Variants in DNAAF4 observed in about 807,000 individuals in gnomAD.
DNAAF4 encodes dynein assembly factor 4, axonemal.
Under a neutral mutation model 51.8 loss-of-function variants are expected in DNAAF4, and 43 were observed. The ratio of observed to expected loss-of-function variants is 0.83; its 90% confidence interval spans 0.65 to 1.07. The LOEUF (loss-of-function observed/expected upper bound fraction) is 1.07, where lower values mean the gene tolerates loss of function less well. DNAAF4 is among the 50% of genes least tolerant of loss of function. DNAAF4 has a pLI of 0.00. For missense variants in DNAAF4, 581 were observed against 493.0 expected, an observed-to-expected ratio of 1.18 and a Z score of -1.69; for synonymous variants, 194 against 165.6, an observed-to-expected ratio of 1.17 and a Z score of -1.32.
intron 4 of DNAAF4, among the ~76,000 whole-genome samples, chr15:55,480,698 A>G (rs1175155351): frequency 1.3e-5 from 2 of 151,402 alleles, no homozygotes; most frequent in Non-Finnish European, 3.0e-5. Context: ...AACAGGAAAT[A>G]GTGGGCTTCC....
chr15:55,438,339 G>A (rs1244203738), intron 7 of DNAAF4, among the ~76,000 whole-genome samples: 15 of 109,244 alleles, frequency 1.4e-4, no homozygotes, highest in Non-Finnish European at 2.1e-4. Flanking sequence ...GACCAAGAGC[G>A]AGACTTTGTC....
chr15:55,489,067 C>T (rs754383182), intron 4 of DNAAF4, among the ~76,000 whole-genome samples: 9 of 150,200 alleles, frequency 6.0e-5, no homozygotes, highest in Non-Finnish European at 1.2e-4. Flanking sequence ...CCAGCCTGGG[C>T]GACTAAGCAA....
At chr15:55,430,093 T>C (rs1050550924), downstream of DNAAF4, among the ~76,000 whole-genome samples, 1 of 152,198 alleles carries the variant, frequency 6.6e-6, no homozygotes, top group Non-Finnish European at 1.5e-5. Flanking sequence ...AGTTTTCAGG[T>C]GCACAGCCTA....
chr15:55,436,126 A>G (rs1404747390), intron 7 of DNAAF4, among the ~76,000 whole-genome samples: 1 of 152,146 alleles, frequency 6.6e-6, no homozygotes, highest in Non-Finnish European at 1.5e-5. Flanking sequence ...AGTGTTTTCC[A>G]TAGCAGCTGG....
chr15:55,442,850 T>C (rs530117819), intron 6 of DNAAF4: 323 of 1,612,822 alleles, frequency 2.0e-4, no homozygotes, highest in Middle Eastern at 1.2e-3. Flanking sequence ...CCAGCCATCA[T>C]TGCACACATA....
intron 4 of DNAAF4, among the ~76,000 whole-genome samples, chr15:55,473,222 T>TATATGG (rs2058285016): frequency 1.5e-5 from 1 of 67,368 alleles, no homozygotes; most frequent in East Asian, 2.9e-4. Flanking sequence ...TATATATATA[T>TATATGG]GTGTGTGTGT....
chr15:55,421,092 C>T (rs895120986), intron 7 of DNAAF4, among the ~76,000 whole-genome samples: 5 of 149,228 alleles, frequency 3.4e-5, no homozygotes, highest in African/African-American at 1.2e-4. Context: ...TAGGAGGCTG[C>T]GGCAGGAGAA....
chr15:55,476,388 A>G (rs781399976), intron 4 of DNAAF4, among the ~76,000 whole-genome samples: 7 of 152,028 alleles, frequency 4.6e-5, no homozygotes, highest in Non-Finnish European at 1.0e-4. Context: ...AGGAGTTTGA[A>G]GTTACAGTGA....
chr15:55,489,908 C>T (rs1322321696), intron 4 of DNAAF4, among the ~76,000 whole-genome samples: 9 of 148,478 alleles, frequency 6.1e-5, no homozygotes, highest in African/African-American at 2.2e-4. Flanking sequence ...GCGTCTCACT[C>T]TGTCGCCCAG....
intron 4 of DNAAF4, among the ~76,000 whole-genome samples, chr15:55,489,888 T>TG (rs534630592): frequency 2.6e-5 from 4 of 151,356 alleles, no homozygotes; most frequent in African/African-American, 9.7e-5. Context: ...TTTTTTTTTT[T>TG]TTTGAGACGG....
intron 5 of DNAAF4, among the ~76,000 whole-genome samples, chr15:55,458,363 A>C (rs1029338734): frequency 3.9e-5 from 6 of 152,182 alleles, no homozygotes; most frequent in African/African-American, 1.4e-4. Flanking sequence ...ACTTCTGGAA[A>C]TGAAAGACAC....
At chr15:55,438,153 C>A in intron 7 of DNAAF4, among the ~76,000 whole-genome samples, 1 of 151,426 alleles carries the variant, frequency 6.6e-6, no homozygotes, top group East Asian at 2.0e-4. Context: ...CGCGGATCAC[C>A]TGAGGTCAGG....
chr15:55,425,921 A>G (rs2057427052), downstream of DNAAF4, among the ~76,000 whole-genome samples: 1 of 152,218 alleles, frequency 6.6e-6, no homozygotes, highest in Non-Finnish European at 1.5e-5. Flanking sequence ...TTATCAAGAC[A>G]GGGGAACTGC....
chr15:55,418,087 T>C (rs1175564303), exon 8 of DNAAF4: 2 of 1,577,988 alleles, frequency 1.3e-6, no homozygotes, highest in Non-Finnish European at 8.6e-7. Flanking sequence ...ATGGCTTAGC[T>C]TGGGCTCAGA....
chr15:55,502,946 A>G lies in DNAAF4; in HGVS notation c.-255-4362T>C, dbSNP rs139354520. On this transcript the variant is annotated intron_variant, in intron 1 of 9. Transcript: ENST00000321149. Reference sequence around the variant, plus strand: ...ATCAGAAAAGAACTGAAGGAGATAGAGACACAAAAAACCATTCAAAAAAAT... The same window carrying G: ...ATCAGAAAAGAACTGAAGGAGATAGGGACACAAAAAACCATTCAAAAAAAT... Among the ~76,000 whole-genome samples the G allele has an allele frequency of 1.3e-3, 200 of 152,316 alleles. 2 individuals are homozygous for G. Among genetic ancestry groups the G allele is most frequent in the African/African-American group, 4.6e-3 (191 of 41,560 alleles).
chr15:55,423,953 G>C (rs1246401548), intron 7 of DNAAF4, among the ~76,000 whole-genome samples: 1 of 152,146 alleles, frequency 6.6e-6, no homozygotes, highest in Non-Finnish European at 1.5e-5. Flanking sequence ...AGCCGGGCAT[G>C]GTGGCGCATG....
In DNAAF4 at chr15:55,453,862, T is replaced by G. The variant is rs528524370; in HGVS notation, c.638-3495A>C. ...ACAGCGCCTGGCCAAAAAACAGAAC[T>G]TTCAAAATGAAAAATATTGTCACTG... On this transcript the variant is annotated intron_variant, in intron 5 of 9. Transcript: ENST00000321149. Among the ~76,000 whole-genome samples, 244 of 151,700 alleles carry G rather than the reference T, an allele frequency of 1.6e-3. 1 individual carries two copies. Among genetic ancestry groups the G allele is most frequent in the African/African-American group, 5.8e-3 (239 of 41,416 alleles).
intron 7 of DNAAF4, among the ~76,000 whole-genome samples, chr15:55,419,945 G>T (rs2057374400): frequency 6.6e-6 from 1 of 152,100 alleles, no homozygotes; most frequent in Admixed American, 6.6e-5. Flanking sequence ...GGAGGTTGCA[G>T]TGAGCCAAGA....
chr15:55,451,172 C>T (rs919256014), intron 5 of DNAAF4, among the ~76,000 whole-genome samples: 1 of 152,146 alleles, frequency 6.6e-6, no homozygotes, highest in Admixed American at 6.6e-5. Flanking sequence ...GGGGAAGGAG[C>T]GCTCTTAGAC....
Sources: gnomAD v4.1 joint callset for allele counts (sites outside exome capture counted in the v4.1 genomes callset) on GRCh38, gnomAD v4.1.1 for gene constraint, MANE v1.5 for transcripts, NCBI Gene and HGNC (gene_info 2026-07-23, HGNC 2026-07-21) for gene names.